The following DSCAM variants were observed in gnomAD, a reference collection of about 807,000 sequenced individuals.
DSCAM encodes DS cell adhesion molecule.
In DSCAM, 47 loss-of-function variants were observed where a neutral mutation model predicts 217.7. The observed-to-expected ratio is 0.22, with a 90% CI of 0.17 to 0.28. The LOEUF is 0.28. DSCAM is among the 10% of genes least tolerant of loss of function. The pLI is 1.00. For missense variants in DSCAM, 2,080 were observed against 2,618.3 expected (o/e 0.79, Z 4.49); for synonymous variants, 1,056 against 1,015.3 (o/e 1.04, Z -0.76).
chr21:40,663,987 T>C (rs1045313391), intron 3 of DSCAM, among the ~76,000 whole-genome samples: 2 of 152,218 alleles, frequency 1.3e-5, no homozygotes, highest in East Asian at 3.8e-4. Flanking sequence ...ATTTTAGAAT[T>C]ATGAGTTTAT....
Position 40,115,798 on chromosome 21 carries a change from A to T in DSCAM, c.3696+8397T>A, listed in dbSNP as rs373246606. 5.9e-5 allele frequency among the ~76,000 whole-genome samples: 9 copies of T among 152,368 alleles called. No homozygotes were observed. The South Asian group carries it at 1.9e-3, about 32-fold the overall frequency. On this transcript the variant is annotated intron_variant, in intron 20 of 32. Coordinates refer to ENST00000400454, the MANE Select transcript of DSCAM (RefSeq NM_001389.5). ...TACCATTTGACCTGGCAATCCCATT[A>T]CTGGGTATATACCCAAAGGAATAGA...
chr21:40,778,627 G>T (rs1162160673), intron 1 of DSCAM, among the ~76,000 whole-genome samples: 1 of 152,072 alleles, frequency 6.6e-6, no homozygotes, highest in Non-Finnish European at 1.5e-5. Flanking sequence ...AAGTAAAAAA[G>T]AAAAACTTAT....
chr21:40,366,390 CTGAT>C (rs1802235303), intron 4 of DSCAM, among the ~76,000 whole-genome samples: 1 of 152,080 alleles, frequency 6.6e-6, no homozygotes, highest in South Asian at 2.1e-4. Flanking sequence ...TGTTTATCCT[CTGAT>C]GTGTTCCCTG....
At chr21:40,574,479 T>C (rs988667962) in intron 3 of DSCAM, among the ~76,000 whole-genome samples, 2 of 152,198 alleles carry the variant, frequency 1.3e-5, no homozygotes, top group Non-Finnish European at 1.5e-5. Context: ...CACAATCTGA[T>C]AAAGGGCATT....
chr21:40,249,442 C>T (rs539771540), intron 11 of DSCAM, among the ~76,000 whole-genome samples: 2 of 152,306 alleles, frequency 1.3e-5, no homozygotes, highest in Non-Finnish European at 2.9e-5. Context: ...TTTTGCCTCC[C>T]ACCATGATTC....
intron 11 of DSCAM, among the ~76,000 whole-genome samples, chr21:40,224,915 G>A (rs1422737516): frequency 1.3e-5 from 2 of 152,154 alleles, no homozygotes; most frequent in East Asian, 3.9e-4. Flanking sequence ...TCGGTCACCT[G>A]AACATTCAAT....
At chr21:40,042,956 A>G (rs376786021) in intron 31 of DSCAM, among the ~76,000 whole-genome samples, 2 of 152,142 alleles carry the variant, frequency 1.3e-5, no homozygotes, top group African/African-American at 4.8e-5. Context: ...CTTTAAAAAA[A>G]ATCCTGCTTT....
chr21:40,807,121 C>G (rs1292990541), intron 1 of DSCAM, among the ~76,000 whole-genome samples: 5 of 151,802 alleles, frequency 3.3e-5, no homozygotes, highest in African/African-American at 9.7e-5. Flanking sequence ...ATCAATCAAT[C>G]AATCAATCAA....
intron 1 of DSCAM, among the ~76,000 whole-genome samples, chr21:40,757,346 T>G (rs1236600968): frequency 2.0e-5 from 3 of 152,180 alleles, no homozygotes; most frequent in African/African-American, 7.2e-5. Flanking sequence ...ATTGTTACTC[T>G]TCCACATATA....
intron 3 of DSCAM, among the ~76,000 whole-genome samples, chr21:40,671,513 C>T (rs545309991): frequency 6.6e-6 from 1 of 151,626 alleles, no homozygotes; most frequent in East Asian, 1.9e-4. Flanking sequence ...CCCCCCGCAC[C>T]GTCTCTATTA....
At chr21:40,367,202 G>T (rs531901743) in intron 4 of DSCAM, among the ~76,000 whole-genome samples, 1 of 152,218 alleles carries the variant, frequency 6.6e-6, no homozygotes, top group South Asian at 2.1e-4. Flanking sequence ...AAGACACAAA[G>T]AATTCTCCTC....
intron 1 of DSCAM, among the ~76,000 whole-genome samples, chr21:40,714,211 C>T (rs1329701713): frequency 6.6e-6 from 1 of 152,116 alleles, no homozygotes; most frequent in African/African-American, 2.4e-5. Context: ...ATTAATGGGC[C>T]AGAGCTGCAG....
At chr21:40,840,122 T>C (rs1366385259) in intron 1 of DSCAM, among the ~76,000 whole-genome samples, 1 of 149,904 alleles carries the variant, frequency 6.7e-6, no homozygotes, top group Non-Finnish European at 1.5e-5. Flanking sequence ...ATTTGATTTT[T>C]ATATTTGGAC....
chr21:40,763,423 C>T lies in DSCAM; in HGVS notation c.44-54652G>A, dbSNP rs568583059. 2.0e-5 allele frequency among the ~76,000 whole-genome samples: 3 copies of T among 152,164 alleles called. No homozygotes were observed. In the South Asian group the frequency reaches 6.2e-4, roughly 32 times the overall value. Reference sequence around the variant, plus strand: ...GACCTCTTCAAGGAGAACTACAAACCACTGCTCAAAGAAAAAAGAGGGGAC... The same window carrying T: ...GACCTCTTCAAGGAGAACTACAAACTACTGCTCAAAGAAAAAAGAGGGGAC... On this transcript the variant is annotated intron_variant, in intron 1 of 32. Transcript: ENST00000400454.
intron 11 of DSCAM, among the ~76,000 whole-genome samples, chr21:40,270,432 T>A (rs146437441): frequency 6.6e-6 from 1 of 152,114 alleles, no homozygotes; most frequent in South Asian, 2.1e-4. Flanking sequence ...GGATAAATTG[T>A]TGGGGGAGGA....
At chr21:40,145,979 T>TATGC (rs1014436042) in intron 16 of DSCAM, among the ~76,000 whole-genome samples, 1 of 111,150 alleles carries the variant, frequency 9.0e-6, no homozygotes, top group Non-Finnish European at 2.3e-5. Context: ...CATACATGTG[T>TATGC]ATGTATGTAT....
chr21:40,148,373 G>T (rs1047447734), intron 16 of DSCAM, among the ~76,000 whole-genome samples: 6 of 152,058 alleles, frequency 3.9e-5, no homozygotes, highest in African/African-American at 7.2e-5. Context: ...GAGGATGGGA[G>T]CAGCAGCCAG....
intron 11 of DSCAM, among the ~76,000 whole-genome samples, chr21:40,250,855 G>C (rs940723733): frequency 6.6e-6 from 1 of 152,232 alleles, no homozygotes; most frequent in Non-Finnish European, 1.5e-5. Flanking sequence ...AATGGGAAAA[G>C]GGTGATGGCT....
chr21:40,026,758 A>G (rs1236019565), intron 32 of DSCAM, among the ~76,000 whole-genome samples: 74 of 146,378 alleles, frequency 5.1e-4, no homozygotes, highest in African/African-American at 1.8e-3. Context: ...TTTTGAGCCT[A>G]TGTGTGTCTC....
Sources: allele counts gnomAD v4.1 joint callset (sites outside exome capture counted in the v4.1 genomes callset), GRCh38; gene constraint gnomAD v4.1.1; transcripts MANE v1.5; gene names NCBI Gene and HGNC (gene_info 2026-07-23, HGNC 2026-07-21).